Variants in ODAD2 observed in about 807,000 individuals in gnomAD.
ODAD2 encodes outer dynein arm docking complex subunit 2.
In ODAD2, 89 loss-of-function variants were observed where a neutral mutation model predicts 106.8. The ratio of observed to expected loss-of-function variants is 0.83; its 90% confidence interval spans 0.70 to 0.99. ODAD2 has a LOEUF of 0.99. Ranked by LOEUF, ODAD2 falls within the 50% of genes least tolerant of loss-of-function variation. The pLI is 0.00. For missense variants in ODAD2, 1,168 were observed against 1,238.5 expected, an observed-to-expected ratio of 0.94 and a Z score of 0.85; for synonymous variants, 404 against 436.2, an observed-to-expected ratio of 0.93 and a Z score of 0.92.
intron 19 of ODAD2, among the ~76,000 whole-genome samples, chr10:27,818,596 T>G (rs910718503): frequency 2.0e-5 from 3 of 152,212 alleles, no homozygotes; most frequent in African/African-American, 7.2e-5. Context: ...TTGATTTCCA[T>G]ACGCAAATGA....
chr10:27,821,949 T>A (rs2132873039), intron 19 of ODAD2, among the ~76,000 whole-genome samples: 2 of 152,302 alleles, frequency 1.3e-5, no homozygotes, highest in East Asian at 3.9e-4. Flanking sequence ...GAAGGAAAAC[T>A]AGCCCCCACG....
At chr10:27,864,648 T>C (rs1390987637) in intron 17 of ODAD2, among the ~76,000 whole-genome samples, 6 of 145,690 alleles carry the variant, frequency 4.1e-5, no homozygotes, top group African/African-American at 7.7e-5. Context: ...AGTGGGGTGA[T>C]AGTGGGCTCT....
At position 27,999,026 on chromosome 10, in the gene ODAD2, C is replaced by T. The variant is rs1353507825; in HGVS notation, c.-71G>A. 1.3e-5 allele frequency: 2 copies of T among 152,612 alleles called. No homozygotes were observed. The highest frequency in any genetic ancestry group is 2.9e-5 in the Non-Finnish European group (2 of 68,160). 9.5% of individuals were successfully genotyped at this position (152,612 alleles called of 1,614,324 possible). ...TCGGGACCTCCGCGCATCCAAGATT[C>T]CCGCGGACCCGTTGCACCGTATGCC... On this transcript the variant is annotated 5_prime_UTR_variant, in exon 1 of 20. Transcript: ENST00000305242.
chr10:27,985,215 C>CAAAA lies in ODAD2; in HGVS notation c.383-5_383-4insTTTT. On this transcript the variant is annotated splice_polypyrimidine_tract_variant and splice_region_variant and intron_variant, in intron 3 of 19. Transcript: ENST00000305242. Reference sequence around the variant, plus strand: ...TTTACTATGGGGTCTCTGTTAGCTGCCAAAAAAAAAAAAAAGGAGACAAAT... The same window carrying CAAAA: ...TTTACTATGGGGTCTCTGTTAGCTGCAAAACAAAAAAAAAAAAAAGGAGACAAAT... The CAAAA allele has an allele frequency of 7.3e-7, 1 of 1,365,038 alleles. No homozygotes were observed. Among genetic ancestry groups the CAAAA allele is most frequent in the South Asian group, 1.7e-5 (1 of 57,720 alleles). 84.6% of individuals were successfully genotyped at this position (1,365,038 alleles called of 1,614,324 possible). A position where few individuals can be genotyped will look rare whatever the true frequency, so the allele number is the denominator to read the frequency against.
rs114819736 is a variant in ODAD2, at chr10:27,981,244, T to C, written c.936+222A>G. Among the ~76,000 whole-genome samples, 206 of 152,152 alleles carry C rather than the reference T, an allele frequency of 1.4e-3. 1 individual carries two copies. The highest frequency in any genetic ancestry group is 4.8e-3 in the African/African-American group (200 of 41,522). On this transcript the variant is annotated intron_variant, in intron 7 of 19. Transcript: ENST00000305242. ...ACGAAAAAGACTTGGAAATTGACAATAGTGATATTTGTACAACATTGTGAA... is the reference window on the plus strand; with the variant it reads ...ACGAAAAAGACTTGGAAATTGACAACAGTGATATTTGTACAACATTGTGAA...
At chr10:27,867,029 G>A (rs1387310487) in intron 17 of ODAD2, among the ~76,000 whole-genome samples, 1 of 151,994 alleles carries the variant, frequency 6.6e-6, no homozygotes, top group East Asian at 1.9e-4. Context: ...GATGATAGTG[G>A]CAAAGTGTTT....
chr10:27,832,421 T>C (rs1287985224), intron 19 of ODAD2, among the ~76,000 whole-genome samples: 1 of 152,180 alleles, frequency 6.6e-6, no homozygotes, highest in African/African-American at 2.4e-5. Flanking sequence ...TCCAGGAATA[T>C]GTCACATGCT....
At chr10:27,927,105 A>G (rs1193819025) in intron 16 of ODAD2, among the ~76,000 whole-genome samples, 1 of 152,192 alleles carries the variant, frequency 6.6e-6, no homozygotes. Flanking sequence ...AAAAGTCAAT[A>G]GAGTTTTACA....
At chr10:27,826,964 G>A (rs1297466756) in intron 19 of ODAD2, among the ~76,000 whole-genome samples, 1 of 151,668 alleles carries the variant, frequency 6.6e-6, no homozygotes, top group Non-Finnish European at 1.5e-5. Context: ...ACCTCCACTT[G>A]CTGCCCCTAT....
chr10:27,826,109 G>A (rs747707303), intron 19 of ODAD2, among the ~76,000 whole-genome samples: 91 of 152,042 alleles, frequency 6.0e-4, no homozygotes, highest in Non-Finnish European at 9.3e-4. Context: ...GCCTCTCGTT[G>A]CTGTCTATCA....
At chr10:27,946,942 T>C (rs1209963991) in intron 10 of ODAD2, among the ~76,000 whole-genome samples, 2 of 152,198 alleles carry the variant, frequency 1.3e-5, no homozygotes, top group African/African-American at 4.8e-5. Context: ...CCTCAACAAC[T>C]GTCCCGTGAA....
At chr10:27,971,438 A>T in intron 7 of ODAD2, 125 bp from the exon 8 acceptor site, 1 of 755,876 alleles carries the variant, frequency 1.3e-6, no homozygotes, top group Non-Finnish European at 2.1e-6. Flanking sequence ...GGTCCTTAGT[A>T]ACAGCTAAAC....
At chr10:27,936,475 T>C (rs1049126678) in intron 15 of ODAD2, among the ~76,000 whole-genome samples, 1 of 152,222 alleles carries the variant, frequency 6.6e-6, no homozygotes, top group African/African-American at 2.4e-5. Flanking sequence ...GCTGCCCATA[T>C]GCAAAATAGA....
chr10:27,895,686 C>T (rs769820053), intron 17 of ODAD2, among the ~76,000 whole-genome samples: 3 of 152,210 alleles, frequency 2.0e-5, no homozygotes, highest in Non-Finnish European at 2.9e-5. Context: ...CTAGTAGTTG[C>T]CGTATCTGAA....
intron 16 of ODAD2, 70 bp from the exon 17 acceptor site, chr10:27,907,847 C>A: frequency 9.8e-7 from 1 of 1,021,250 alleles, no homozygotes; most frequent in Non-Finnish European, 1.5e-6. Flanking sequence ...TAATGACCCA[C>A]TTATTTAATT....
intron 16 of ODAD2, among the ~76,000 whole-genome samples, chr10:27,919,779 G>T (rs1844643241): frequency 6.6e-6 from 1 of 152,080 alleles, no homozygotes; most frequent in Admixed American, 6.6e-5. Flanking sequence ...GCAAGGATAT[G>T]CAATACTAAT....
chr10:27,956,438 C>A (rs911689322), intron 10 of ODAD2, among the ~76,000 whole-genome samples: 31 of 152,270 alleles, frequency 2.0e-4, no homozygotes, highest in African/African-American at 7.5e-4. Flanking sequence ...AGGAATAAGA[C>A]CGCCTGGATG....
intron 10 of ODAD2, among the ~76,000 whole-genome samples, chr10:27,956,704 G>A (rs1306303971): frequency 2.0e-5 from 3 of 152,068 alleles, no homozygotes; most frequent in Non-Finnish European, 4.4e-5. Context: ...CTGCCTATAG[G>A]GTTAAAACCA....
chr10:27,944,734 G>T, intron 11 of ODAD2, 82 bp downstream of exon 11: 2 of 1,538,394 alleles, frequency 1.3e-6, no homozygotes, highest in Non-Finnish European at 1.8e-6. Flanking sequence ...AGGCAACGAG[G>T]CATGGCAGAA....
Sources: gnomAD v4.1 joint callset for allele counts (sites outside exome capture counted in the v4.1 genomes callset) on GRCh38, gnomAD v4.1.1 for gene constraint, MANE v1.5 for transcripts, NCBI Gene and HGNC (gene_info 2026-07-23, HGNC 2026-07-21) for gene names.